The following ACTR2 variants were observed in gnomAD, a reference collection of about 807,000 sequenced individuals.
The protein encoded by ACTR2 is actin related protein 2.
ACTR2 carries 5 observed loss-of-function variants against 50.2 expected under a neutral mutation model. That is an observed-to-expected ratio of 0.10 (90% CI 0.05 to 0.21). The LOEUF (loss-of-function observed/expected upper bound fraction) is 0.21, where lower values mean the gene tolerates loss of function less well. Among genes scored for constraint, ACTR2 ranks in the 10% least tolerant of loss-of-function variants. The pLI, the probability that ACTR2 is intolerant of heterozygous loss-of-function variation, is 1.00. For missense variants in ACTR2, 180 were observed against 480.6 expected, an observed-to-expected ratio of 0.37 and a Z score of 5.85; for synonymous variants, 140 against 162.9, an observed-to-expected ratio of 0.86 and a Z score of 1.07.
intron 1 of ACTR2, among the ~76,000 whole-genome samples, chr2:65,230,869 C>T (rs1241001568): frequency 6.6e-6 from 1 of 151,920 alleles, no homozygotes; most frequent in South Asian, 2.1e-4. Context: ...GCATGGCCAT[C>T]ATGGTGAAAC....
At chr2:65,247,797 G>A (rs1173358980) in intron 3 of ACTR2, among the ~76,000 whole-genome samples, 3 of 152,072 alleles carry the variant, frequency 2.0e-5, no homozygotes, top group African/African-American at 7.2e-5. Flanking sequence ...GACCTGTGTG[G>A]TTCAAACTTG....
intron 6 of ACTR2, among the ~76,000 whole-genome samples, chr2:65,256,614 G>A (rs1322650435): frequency 6.6e-6 from 1 of 152,198 alleles, no homozygotes; most frequent in Non-Finnish European, 1.5e-5. Flanking sequence ...GCTCACGCCT[G>A]TAATCCCAGC....
At chr2:65,234,003 T>G (rs940352327) in intron 1 of ACTR2, among the ~76,000 whole-genome samples, 1 of 152,032 alleles carries the variant, frequency 6.6e-6, no homozygotes, top group African/African-American at 2.4e-5. Context: ...TCAACCTCCC[T>G]GGGCTCAGGT....
Position 65,246,532 on chromosome 2 carries a change from G to A in ACTR2, c.168G>A (p.Met56Ile). ...TTGACATAATTTTCTAGGATCTTAT[G>A]GTTGGTGATGAGGCAAGTGAATTAC... ...KVGNIEIKDL[M>I]VGDEASELRS... The change falls in exon 3 of 9, where the codon ATG becomes ATA. Residue 56 changes from methionine (M) to isoleucine (I), a missense_variant. Met to Ile is a conservative substitution (Grantham distance 10). Transcript: ENST00000260641. 1.3e-6 allele frequency: 2 copies of A among 1,598,096 alleles called. No individual in the cohort carries two copies. The highest frequency in any genetic ancestry group is 1.7e-6 in the Non-Finnish European group (2 of 1,173,356).
chr2:65,244,477 T>G (rs1353998637), intron 2 of ACTR2, among the ~76,000 whole-genome samples: 1 of 152,214 alleles, frequency 6.6e-6, no homozygotes. Context: ...TTAATATATA[T>G]CATACTGATT....
intron 2 of ACTR2, among the ~76,000 whole-genome samples, chr2:65,246,034 TAAA>T (rs145368671): frequency 0.011 from 1,635 of 152,340 alleles, 37 homozygotes; most frequent in African/African-American, 0.037. Context: ...TATAGAGTAA[TAAA>T]GAATCATTTT....
Position 65,227,976 on chromosome 2 carries a change from G to C in ACTR2, c.48+19G>C. 6.7e-7 allele frequency: 1 copy of C among 1,493,378 alleles called. No individual in the cohort carries two copies. Among genetic ancestry groups the C allele is most frequent in the Non-Finnish European group, 8.9e-7 (1 of 1,122,806 alleles). 92.5% of individuals were successfully genotyped at this position (1,493,378 alleles called of 1,614,324 possible). ...CACCGGGGTAAGGGCCGCGCGAGGA[G>C]GCCTTGGCGGCCACAGACGCCGGCG... On this transcript the variant is annotated intron_variant, in intron 1 of 8. Transcript: ENST00000260641.
intron 6 of ACTR2, among the ~76,000 whole-genome samples, chr2:65,258,321 A>G (rs1672191697): frequency 1.3e-5 from 2 of 152,166 alleles, no homozygotes; most frequent in Admixed American, 1.3e-4. Flanking sequence ...CACACCGGTA[A>G]TCCCAGCACT....
chr2:65,241,956 T>C, intron 2 of ACTR2: 3 of 1,532,668 alleles, frequency 2.0e-6, no homozygotes, highest in Non-Finnish European at 2.7e-6. Flanking sequence ...ATTGCTTGTA[T>C]GTTTAAACAT....
At chr2:65,264,979 G>A (rs763632516) in intron 7 of ACTR2, 64 bp from the exon 8 acceptor site, 51 of 1,585,956 alleles carry the variant, frequency 3.2e-5, no homozygotes, top group Non-Finnish European at 4.1e-5. Context: ...ATAAGTAACA[G>A]TAACCCTGAG....
chr2:65,255,892 G>C (rs1031200426), intron 6 of ACTR2, among the ~76,000 whole-genome samples, 198 bp downstream of exon 6: 6 of 152,080 alleles, frequency 3.9e-5, no homozygotes, highest in African/African-American at 1.4e-4. Flanking sequence ...TGCAAATTAA[G>C]GCAAGAATCA....
At chr2:65,249,016 A>G (rs1226617328) in intron 3 of ACTR2, among the ~76,000 whole-genome samples, 2 of 144,920 alleles carry the variant, frequency 1.4e-5, no homozygotes. Context: ...CTGTCTCAAA[A>G]AGAAAAAAGA....
intron 8 of ACTR2, 183 bp downstream of exon 8, chr2:65,265,358 T>TAG (rs771542152): frequency 5.6e-6 from 4 of 709,606 alleles, no homozygotes; most frequent in Non-Finnish European, 7.0e-6. Flanking sequence ...GTCACCTCTA[T>TAG]AGAGTTGGTG....
chr2:65,255,412 A>T (rs1227592784), intron 5 of ACTR2, 133 bp from the exon 6 acceptor site: 6 of 693,940 alleles, frequency 8.6e-6, no homozygotes, highest in Non-Finnish European at 4.6e-6. Flanking sequence ...CTGCTTCTGA[A>T]ATAGTAGGAG....
chr2:65,227,951 C>T lies in ACTR2; in HGVS notation c.42C>T (p.Gly14=). The part of the protein sequence containing the change: ...QGRKVVVCDN[G]TGFVKCGYAG... Reference sequence around the variant, plus strand: ...GGAAGGTGGTGGTGTGCGACAACGGCACCGGGGTAAGGGCCGCGCGAGGAG... The same window carrying T: ...GGAAGGTGGTGGTGTGCGACAACGGTACCGGGGTAAGGGCCGCGCGAGGAG... The change falls in exon 1 of 9, where the codon GGC becomes GGT. Residue 14 remains glycine (G), a synonymous_variant. Coordinates refer to ENST00000260641, the MANE Select transcript of ACTR2 (RefSeq NM_005722.4). The T allele has an allele frequency of 6.6e-7, 1 of 1,519,166 alleles. No individual in the cohort carries two copies. The highest frequency in any genetic ancestry group is 8.8e-7 in the Non-Finnish European group (1 of 1,134,514). 94.1% of individuals were successfully genotyped at this position (1,519,166 alleles called of 1,614,324 possible). A position where few individuals can be genotyped will look rare whatever the true frequency, so the allele number is the denominator to read the frequency against.
chr2:65,270,173 A>G lies in ACTR2; in HGVS notation c.*1439A>G, dbSNP rs1414449653. 5.4e-5 allele frequency: 8 copies of G among 149,002 alleles called. No homozygotes were observed. The Admixed American group carries it at 5.5e-4, about 10-fold the overall frequency. 9.2% of individuals were successfully genotyped at this position (149,002 alleles called of 1,614,324 possible). A position where few individuals can be genotyped will look rare whatever the true frequency, so the allele number is the denominator to read the frequency against. On this transcript the variant is annotated 3_prime_UTR_variant, in exon 9 of 9. Coordinates refer to ENST00000260641, the MANE Select transcript of ACTR2 (RefSeq NM_005722.4). ...ACTAATTACAAAATACAAGTTCTGG[A>G]AAAAATATTTTTCTTCATTTTAAAA...
chr2:65,245,331 C>T (rs1444970283), intron 2 of ACTR2, among the ~76,000 whole-genome samples: 2 of 151,828 alleles, frequency 1.3e-5, no homozygotes, highest in African/African-American at 4.8e-5. Context: ...ACCAGCTTGG[C>T]CAACATGGTG....
intron 1 of ACTR2, 132 bp downstream of exon 1, chr2:65,228,089 A>G (rs1036605987): frequency 1.3e-6 from 1 of 799,176 alleles, no homozygotes; most frequent in Non-Finnish European, 1.8e-6. Context: ...GGTGCCTCCC[A>G]CCTCCGCGGG....
intron 3 of ACTR2, 43 bp from the exon 4 acceptor site, chr2:65,250,984 A>C: frequency 7.3e-7 from 1 of 1,375,872 alleles, no homozygotes; most frequent in Non-Finnish European, 1.0e-6. Flanking sequence ...TTATTATGTA[A>C]TTTTCTAAAT....
Sources: gnomAD v4.1 joint callset for allele counts (sites outside exome capture counted in the v4.1 genomes callset) on GRCh38, gnomAD v4.1.1 for gene constraint, MANE v1.5 for transcripts, NCBI Gene and HGNC (gene_info 2026-07-23, HGNC 2026-07-21) for gene names.